GCNT2: variants seen among roughly 807,000 people sequenced by gnomAD.
GCNT2 encodes N-acetyllactosaminide beta-1,6-N-acetylglucosaminyl-transferase.
Under a neutral mutation model 34.2 loss-of-function variants are expected in GCNT2, and 34 were observed. The ratio of observed to expected loss-of-function variants is 1.00; its 90% confidence interval spans 0.76 to 1.32. The LOEUF (loss-of-function observed/expected upper bound fraction) is 1.32. Among genes scored for constraint, GCNT2 ranks in the 40% most tolerant of loss-of-function variants. The pLI is 0.00. For synonymous variants in GCNT2, 212 were observed against 188.0 expected, an observed-to-expected ratio of 1.13 and a Z score of -1.04; for missense variants, 584 against 489.4, an observed-to-expected ratio of 1.19 and a Z score of -1.82.
At chr6:10,563,768 AAAAAAAAAAATATAT>A (rs1438132444) in intron 3 of GCNT2, among the ~76,000 whole-genome samples, 32 of 74,684 alleles carry the variant, frequency 4.3e-4, no homozygotes, top group African/African-American at 1.2e-3. Context: ...AAAAAAAAAA[AAAAAAAAAAATATAT>A]ATATATATAT....
chr6:10,529,951 G>A (rs1238365182), intron 3 of GCNT2, 115 bp downstream of exon 3: 1 of 900,670 alleles, frequency 1.1e-6, no homozygotes, highest in Non-Finnish European at 1.7e-6. Flanking sequence ...GGTTTTAAAT[G>A]TCAAATTAAA....
chr6:10,531,609 T>C (rs1034639422), intron 3 of GCNT2, among the ~76,000 whole-genome samples: 3 of 152,216 alleles, frequency 2.0e-5, no homozygotes, highest in African/African-American at 4.8e-5. Flanking sequence ...TAGAATTCTC[T>C]TTAAGTCTGT....
rs33909973 is a variant in GCNT2 at position 10,549,563 on chromosome 6, C to CTTT, written c.925+19751_925+19753dup. Among the ~76,000 whole-genome samples, 66 of 104,304 alleles carry CTTT rather than the reference C, an allele frequency of 6.3e-4. 1 individual carries two copies. The highest frequency in any genetic ancestry group is 9.4e-4 in the South Asian group (3 of 3,194). The allele number at this position is 104,304 out of a possible 152,430, so 68.4% of individuals were successfully genotyped here. On this transcript the variant is annotated intron_variant, in intron 3 of 4. Transcript: ENST00000495262. Reference sequence around the variant, plus strand: ...TTCCTTTCTCTCTCAATCTCTCTCTCTTTTTTTTTTTTTTTTTTTTTTTTT... The same window carrying CTTT: ...TTCCTTTCTCTCTCAATCTCTCTCTCTTTTTTTTTTTTTTTTTTTTTTTTTTTT...
intron 3 of GCNT2, among the ~76,000 whole-genome samples, chr6:10,573,723 C>T (rs965096491): frequency 6.6e-6 from 1 of 151,654 alleles, no homozygotes; most frequent in Admixed American, 6.6e-5. Flanking sequence ...TTGACCCCAT[C>T]GTTAGCTTTT....
At chr6:10,564,233 C>T (rs1263850266) in intron 3 of GCNT2, among the ~76,000 whole-genome samples, 1 of 152,136 alleles carries the variant, frequency 6.6e-6, no homozygotes, top group Non-Finnish European at 1.5e-5. Context: ...AATATGAAGA[C>T]GGGACCAGAG....
intron 3 of GCNT2, among the ~76,000 whole-genome samples, chr6:10,603,999 G>A (rs953594032): frequency 9.9e-5 from 15 of 151,968 alleles, no homozygotes; most frequent in African/African-American, 3.1e-4. Flanking sequence ...CGGTTCAAAC[G>A]ATTCTCTTGC....
At chr6:10,568,093 C>T (rs568691897) in intron 3 of GCNT2, among the ~76,000 whole-genome samples, 8 of 152,298 alleles carry the variant, frequency 5.3e-5, no homozygotes, top group East Asian at 1.9e-4. Context: ...CAGTTTACTT[C>T]GTGGCTCTTG....
chr6:10,606,504 T>C (rs940510775), intron 3 of GCNT2, among the ~76,000 whole-genome samples: 4 of 152,166 alleles, frequency 2.6e-5, no homozygotes, highest in Admixed American at 2.0e-4. Context: ...AATCAAAATA[T>C]ATCCTTGTTT....
At chr6:10,562,216 G>A (rs1007905199) in intron 3 of GCNT2, among the ~76,000 whole-genome samples, 10 of 152,152 alleles carry the variant, frequency 6.6e-5, no homozygotes, top group Non-Finnish European at 1.0e-4. Context: ...ATGGGACCTT[G>A]ATGGGTACAA....
chr6:10,529,489 A>C lies in GCNT2; in HGVS notation c.578A>C (p.Gln193Pro). 1.2e-6 allele frequency: 2 copies of C among 1,614,112 alleles called. No individual in the cohort carries two copies. The highest frequency in any genetic ancestry group is 1.7e-6 in the Non-Finnish European group (2 of 1,179,996). ...PWKYVINTCG[Q>P]DFPLKTNREI... ...AAGTATGTCATCAACACCTGCGGGC[A>C]AGACTTTCCCCTGAAAACCAACAGG... Residue 193 changes from glutamine (Q) to proline (P), a missense_variant, in exon 3 of 5, where the codon CAA becomes CCA. Physicochemically the swap from Gln to Pro is moderately conservative, Grantham distance 76. Coordinates refer to ENST00000495262, the MANE Select transcript of GCNT2 (RefSeq NM_145649.5).
chr6:10,593,071 A>G (rs1441815870), intron 3 of GCNT2, among the ~76,000 whole-genome samples: 1 of 152,244 alleles, frequency 6.6e-6, no homozygotes, highest in Non-Finnish European at 1.5e-5. Context: ...AATCTCTAGA[A>G]CAACATTTTA....
rs1009239845 is a variant in GCNT2, at chr6:10,566,973, G to C, written c.925+37137G>C. Among the ~76,000 whole-genome samples the C allele has an allele frequency of 2.6e-5, 4 of 152,226 alleles. No individual in the cohort carries two copies. In the East Asian group the frequency reaches 7.7e-4, roughly 29 times the overall value. ...ATATGTCTATCTCATAACATAGCTC[G>C]TCTGCTCAAACGAACTTCTTCATCT... is the stretch of plus-strand genomic sequence containing the variant. On this transcript the variant is annotated intron_variant, in intron 3 of 4. Coordinates refer to ENST00000495262, the MANE Select transcript of GCNT2 (RefSeq NM_145649.5).
In GCNT2 at chr6:10,534,672, G is replaced by A. The variant is rs1325517351; in HGVS notation, c.925+4836G>A. On this transcript the variant is annotated intron_variant, in intron 3 of 4. Coordinates refer to ENST00000495262, the MANE Select transcript of GCNT2 (RefSeq NM_145649.5). ...CATGTGGTTTAAAAAAGCAAAGCTT[G>A]GGTAACACAGATACCTTGTCTCTAC... Among the ~76,000 whole-genome samples the A allele has an allele frequency of 2.6e-5, 4 of 152,058 alleles. 1 individual carries two copies. Among genetic ancestry groups the A allele is most frequent in the African/African-American group, 4.8e-5 (2 of 41,388 alleles).
chr6:10,579,630 A>T (rs1763974609), intron 3 of GCNT2, among the ~76,000 whole-genome samples: 1 of 152,038 alleles, frequency 6.6e-6, no homozygotes, highest in African/African-American at 2.4e-5. Flanking sequence ...AGCCTGGCCT[A>T]CAGAGTGAAA....
At chr6:10,538,805 T>C (rs143792343) in intron 3 of GCNT2, among the ~76,000 whole-genome samples, 2 of 152,296 alleles carry the variant, frequency 1.3e-5, no homozygotes, top group Non-Finnish European at 2.9e-5. Context: ...AATTATACCA[T>C]CTTCTGGGAT....
At chr6:10,623,962 A>G (rs1362536319) in intron 4 of GCNT2, among the ~76,000 whole-genome samples, 1 of 152,132 alleles carries the variant, frequency 6.6e-6, no homozygotes, top group Non-Finnish European at 1.5e-5. Context: ...TGACCCTACA[A>G]GGCTGATTCC....
chr6:10,567,850 C>G (rs1763357262), intron 3 of GCNT2, among the ~76,000 whole-genome samples: 1 of 152,214 alleles, frequency 6.6e-6, no homozygotes, highest in Non-Finnish European at 1.5e-5. Context: ...CTCGAACTCT[C>G]AGCCGAAACC....
Position 10,525,364 on chromosome 6 carries a change from G to A in GCNT2, c.-468-2110G>A, listed in dbSNP as rs1474062276. On this transcript the variant is annotated intron_variant, in intron 1 of 4. Transcript: ENST00000495262. ...TTTATCCCACCTGATCAGTGCCTCCGACTTAGAATTGGGGGGTATTAATTT... is the reference window on the plus strand; with the variant it reads ...TTTATCCCACCTGATCAGTGCCTCCAACTTAGAATTGGGGGGTATTAATTT... Among the ~76,000 whole-genome samples the A allele has an allele frequency of 4.6e-5, 7 of 152,264 alleles. No homozygotes were observed. In the South Asian group the frequency reaches 1.0e-3, roughly 23 times the overall value.
At chr6:10,592,772 C>T (rs1380438532) in intron 3 of GCNT2, among the ~76,000 whole-genome samples, 1 of 151,982 alleles carries the variant, frequency 6.6e-6, no homozygotes, top group Admixed American at 6.6e-5. Context: ...AGACAGAGTA[C>T]CACTCTGTCG....
Sources: allele counts gnomAD v4.1 joint callset (sites outside exome capture counted in the v4.1 genomes callset), GRCh38; gene constraint gnomAD v4.1.1; transcripts MANE v1.5; gene names NCBI Gene and HGNC (gene_info 2026-07-23, HGNC 2026-07-21).